The following ABCA13 variants were observed in gnomAD, a reference collection of about 807,000 sequenced individuals.
The protein encoded by ABCA13 is ATP binding cassette subfamily A member 13.
A neutral mutation model predicts 478.7 loss-of-function variants in ABCA13; 476 were observed. That is an observed-to-expected ratio of 0.99 (90% CI 0.92 to 1.07). The LOEUF (loss-of-function observed/expected upper bound fraction) is 1.07. Ranked by LOEUF, ABCA13 falls within the 50% of genes least tolerant of loss-of-function variation. The pLI, the probability that ABCA13 is intolerant of heterozygous loss-of-function variation, is 0.00. For missense variants in ABCA13, 6,060 were observed against 5,910.6 expected (o/e 1.03, Z -0.83); for synonymous variants, 2,252 against 2,158.9 (o/e 1.04, Z -1.20).
chr7:48,267,718 A>G lies in ABCA13; in HGVS notation c.2006-1262A>G, dbSNP rs969592615. On this transcript the variant is annotated intron_variant, in intron 15 of 61. Transcript: ENST00000435803. Reference sequence around the variant, plus strand: ...TAGTATAAAGTAAATAACATAAACCATTTTATGTGATTAATGTTCCCTTCT... The same window carrying G: ...TAGTATAAAGTAAATAACATAAACCGTTTTATGTGATTAATGTTCCCTTCT... Among the ~76,000 whole-genome samples, 9 of 152,282 alleles carry G rather than the reference A, an allele frequency of 5.9e-5. 1 individual carries two copies. Among genetic ancestry groups the G allele is most frequent in the Admixed American group, 5.9e-4 (9 of 15,288 alleles).
intron 38 of ABCA13, among the ~76,000 whole-genome samples, chr7:48,399,754 A>C (rs961840261): frequency 1.3e-5 from 2 of 152,210 alleles, no homozygotes; most frequent in Non-Finnish European, 2.9e-5. Context: ...AACACCCAAC[A>C]GTGGATGATA....
At chr7:48,575,768 T>G (rs1020106191) in intron 55 of ABCA13, among the ~76,000 whole-genome samples, 1 of 152,180 alleles carries the variant, frequency 6.6e-6, no homozygotes, top group African/African-American at 2.4e-5. Context: ...AGTTGTCACT[T>G]TCATTTTCAC....
intron 24 of ABCA13, 27 bp from the exon 25 acceptor site, chr7:48,313,040 T>C (rs773395476): frequency 1.3e-6 from 2 of 1,520,812 alleles, no homozygotes; most frequent in South Asian, 2.7e-5. Context: ...TTATTTCATG[T>C]TGTTTTGTTT....
intron 55 of ABCA13, among the ~76,000 whole-genome samples, chr7:48,557,000 A>G (rs774304508): frequency 8.6e-5 from 13 of 151,988 alleles, no homozygotes; most frequent in Non-Finnish European, 1.0e-4. Flanking sequence ...TGCAAATACT[A>G]TTGTATAACC....
chr7:48,411,324 C>CT (rs1819203163), intron 40 of ABCA13, among the ~76,000 whole-genome samples: 4 of 142,484 alleles, frequency 2.8e-5, no homozygotes, highest in Admixed American at 7.5e-5. Context: ...CTTTTCTTTT[C>CT]TTTCAATGGA....
intron 8 of ABCA13, among the ~76,000 whole-genome samples, chr7:48,235,357 AT>A (rs1562842903): frequency 6.6e-6 from 1 of 152,142 alleles, no homozygotes; most frequent in East Asian, 1.9e-4. Context: ...CCGTTTTCTC[AT>A]TATATTATAG....
intron 38 of ABCA13, among the ~76,000 whole-genome samples, chr7:48,401,158 C>T (rs972667028): frequency 1.3e-5 from 2 of 152,156 alleles, no homozygotes; most frequent in Non-Finnish European, 2.9e-5. Flanking sequence ...AATGAGAAGA[C>T]CCTCATTTGG....
chr7:48,330,635 GTCCA>G (rs901557475), intron 27 of ABCA13, among the ~76,000 whole-genome samples: 2 of 126,766 alleles, frequency 1.6e-5, no homozygotes, highest in Non-Finnish European at 3.4e-5. Context: ...TCATCTATCT[GTCCA>G]TCCATCCATC....
In ABCA13 at chr7:48,341,856, GAT is replaced by G. The variant is rs66686757; in HGVS notation, c.10204+3416_10204+3417del. 9.3e-3 allele frequency among the ~76,000 whole-genome samples: 220 copies of G among 23,572 alleles called. 7 individuals are homozygous for G. Among genetic ancestry groups the G allele is most frequent in the South Asian group, 0.032 (24 of 746 alleles). 15.5% of individuals were successfully genotyped at this position (23,572 alleles called of 152,430 possible). A position where few individuals can be genotyped will look rare whatever the true frequency, so the allele number is the denominator to read the frequency against. On this transcript the variant is annotated intron_variant, in intron 29 of 61. Transcript: ENST00000435803. The stretch of plus-strand genomic sequence containing the variant: ...CTGATATATATATATATATCTTTCT[GAT>G]ATATATATATATATCTTTCTGATAT...
intron 24 of ABCA13, among the ~76,000 whole-genome samples, chr7:48,312,034 AG>A (rs1801857279): frequency 6.6e-6 from 1 of 152,166 alleles, no homozygotes; most frequent in Non-Finnish European, 1.5e-5. Context: ...AAGTGACAAA[AG>A]CTACACACCA....
chr7:48,261,591 A>T (rs1794189663), intron 15 of ABCA13, among the ~76,000 whole-genome samples: 1 of 151,486 alleles, frequency 6.6e-6, no homozygotes, highest in Non-Finnish European at 1.5e-5. Context: ...CATTTGATTT[A>T]AAATACTTCT....
intron 47 of ABCA13, among the ~76,000 whole-genome samples, chr7:48,486,693 GA>G (rs1472453739): frequency 6.6e-6 from 1 of 152,292 alleles, no homozygotes; most frequent in East Asian, 1.9e-4. Context: ...CTCCACAATG[GA>G]TGTTCATTTA....
Position 48,234,123 on chromosome 7 carries a change from T to A in ABCA13, c.869T>A (p.Ile290Asn). The A allele has an allele frequency of 6.2e-7, 1 of 1,613,906 alleles. No homozygotes were observed. The highest frequency in any genetic ancestry group is 8.5e-7 in the Non-Finnish European group (1 of 1,179,846). Residue 290 changes from isoleucine (I) to asparagine (N), a missense_variant, in exon 8 of 62, where the codon ATC becomes AAC. Ile to Asn is a moderately radical substitution (Grantham distance 149). Coordinates refer to ENST00000435803, the MANE Select transcript of ABCA13 (RefSeq NM_152701.5). ...FGFDDLHTEQ[I>N]LNSSAELKEI... Reference sequence around the variant, plus strand: ...TTTGATGATCTTCACACGGAACAGATCCTGAACTCTTCAGCTGAACTGAAG... The same window carrying A: ...TTTGATGATCTTCACACGGAACAGAACCTGAACTCTTCAGCTGAACTGAAG...
intron 58 of ABCA13, among the ~76,000 whole-genome samples, chr7:48,598,519 T>C (rs1790533883): frequency 6.6e-6 from 1 of 152,216 alleles, no homozygotes; most frequent in Non-Finnish European, 1.5e-5. Context: ...GAATTGTTTT[T>C]TATCTATTAT....
chr7:48,557,050 A>C (rs1050346813), intron 55 of ABCA13, among the ~76,000 whole-genome samples: 1 of 152,090 alleles, frequency 6.6e-6, no homozygotes, highest in South Asian at 2.1e-4. Context: ...GTGATTGCAT[A>C]AACAAACAGG....
At chr7:48,257,498 G>A (rs1469038742) in intron 15 of ABCA13, among the ~76,000 whole-genome samples, 1 of 152,104 alleles carries the variant, frequency 6.6e-6, no homozygotes, top group Non-Finnish European at 1.5e-5. Context: ...TTTGTTAAGG[G>A]TTTTTAAAAT....
chr7:48,613,066 T>C (rs1177139087), intron 58 of ABCA13, among the ~76,000 whole-genome samples: 3 of 152,164 alleles, frequency 2.0e-5, no homozygotes, highest in Non-Finnish European at 2.9e-5. Flanking sequence ...CTTTGAATGG[T>C]CTCTACATGT....
intron 45 of ABCA13, among the ~76,000 whole-genome samples, chr7:48,471,914 A>G (rs998412459): frequency 3.3e-5 from 5 of 152,240 alleles, no homozygotes; most frequent in African/African-American, 1.2e-4. Context: ...AAGGAAGGAA[A>G]TTTTTCTAAA....
chr7:48,617,565 G>T (rs1052767175), intron 59 of ABCA13, among the ~76,000 whole-genome samples: 1 of 152,140 alleles, frequency 6.6e-6, no homozygotes, highest in African/African-American at 2.4e-5. Flanking sequence ...TCCCACAGAG[G>T]GGGGACCCAG....
Sources: gnomAD v4.1 joint callset for allele counts (sites outside exome capture counted in the v4.1 genomes callset) on GRCh38, gnomAD v4.1.1 for gene constraint, MANE v1.5 for transcripts, NCBI Gene and HGNC (gene_info 2026-07-23, HGNC 2026-07-21) for gene names.